PRKG1: variants seen among roughly 807,000 people sequenced by gnomAD.
PRKG1 encodes the protein protein kinase cGMP-dependent 1.
In PRKG1, 35 loss-of-function variants were observed where a neutral mutation model predicts 88.1. The ratio of observed to expected loss-of-function variants is 0.40; its 90% CI spans 0.30 to 0.53. PRKG1 has a LOEUF of 0.53. Ranked by LOEUF, PRKG1 falls within the 20% of genes least tolerant of loss-of-function variation. The pLI is 0.59. For missense variants in PRKG1, 540 were observed against 839.8 expected, an observed-to-expected ratio of 0.64 and a Z score of 4.41; for synonymous variants, 303 against 292.5, an observed-to-expected ratio of 1.04 and a Z score of -0.37.
At chr10:51,684,950 G>T (rs1840949153) in intron 3 of PRKG1, among the ~76,000 whole-genome samples, 2 of 151,976 alleles carry the variant, frequency 1.3e-5, no homozygotes, top group African/African-American at 4.8e-5. Flanking sequence ...CTAAGTTTTG[G>T]TTTTCATTGC....
At chr10:52,177,834 A>C (rs1326367997) in intron 9 of PRKG1, among the ~76,000 whole-genome samples, 1 of 150,766 alleles carries the variant, frequency 6.6e-6, no homozygotes, top group Non-Finnish European at 1.5e-5. Flanking sequence ...TGTGGTCTCT[A>C]TTGTGATGTC....
chr10:52,097,102 G>GT (rs1015410806), intron 7 of PRKG1, among the ~76,000 whole-genome samples: 19 of 152,038 alleles, frequency 1.2e-4, no homozygotes, highest in Non-Finnish European at 1.9e-4. Flanking sequence ...CAATAAAATT[G>GT]TTGAGTTATA....
At chr10:52,175,211 C>T (rs1392849927) in intron 9 of PRKG1, among the ~76,000 whole-genome samples, 1 of 151,992 alleles carries the variant, frequency 6.6e-6, no homozygotes, top group Non-Finnish European at 1.5e-5. Flanking sequence ...TGTTTTCAGC[C>T]TCCACATATG....
intron 3 of PRKG1, among the ~76,000 whole-genome samples, chr10:51,478,527 C>A (rs1329343038): frequency 1.3e-5 from 2 of 152,104 alleles, no homozygotes; most frequent in South Asian, 2.1e-4. Context: ...AATTTATAGA[C>A]AAAATCCTTT....
intron 2 of PRKG1, chr10:51,299,569 T>C: frequency 2.1e-6 from 1 of 473,068 alleles, no homozygotes; most frequent in South Asian, 1.5e-5. Context: ...AACATATGTC[T>C]CTAGCCCTAG....
intron 2 of PRKG1, among the ~76,000 whole-genome samples, chr10:51,436,783 C>T (rs546556066): frequency 6.6e-6 from 1 of 152,050 alleles, no homozygotes; most frequent in African/African-American, 2.4e-5. Flanking sequence ...TCTTTGCCTG[C>T]ACATAGTGGC....
chr10:52,254,046 T>A (rs770048991), intron 10 of PRKG1, among the ~76,000 whole-genome samples: 3 of 151,990 alleles, frequency 2.0e-5, no homozygotes, highest in Non-Finnish European at 4.4e-5. Context: ...TAATATTACT[T>A]TTGGGGTATT....
intron 2 of PRKG1, 84 bp from the exon 3 acceptor site, chr10:51,467,639 T>C: frequency 9.1e-7 from 1 of 1,098,262 alleles, no homozygotes; most frequent in Non-Finnish European, 1.4e-6. Context: ...CAAATGAGCC[T>C]AACACTCCTC....
intron 2 of PRKG1, among the ~76,000 whole-genome samples, chr10:51,355,217 T>A (rs1442178787): frequency 2.6e-5 from 4 of 152,108 alleles, no homozygotes; most frequent in Admixed American, 2.0e-4. Flanking sequence ...TCCATCTGTA[T>A]TTTAGAGGTA....
intron 7 of PRKG1, among the ~76,000 whole-genome samples, chr10:52,118,536 G>A (rs947480240): frequency 3.3e-5 from 5 of 151,890 alleles, no homozygotes; most frequent in Admixed American, 6.6e-5. Context: ...AGCCAGTAAG[G>A]CAAGTTTAAT....
At chr10:51,305,325 T>C (rs1464394627) in intron 2 of PRKG1, among the ~76,000 whole-genome samples, 2 of 152,156 alleles carry the variant, frequency 1.3e-5, no homozygotes, top group Non-Finnish European at 2.9e-5. Flanking sequence ...CTTTATACAT[T>C]TTCAGAAATG....
chr10:51,876,955 C>T (rs982455589), intron 4 of PRKG1, among the ~76,000 whole-genome samples: 1 of 152,180 alleles, frequency 6.6e-6, no homozygotes, highest in Admixed American at 6.5e-5. Flanking sequence ...GACTACCTTT[C>T]CTTCCCTACC....
chr10:52,171,217 A>C (rs1838665317), intron 9 of PRKG1, among the ~76,000 whole-genome samples: 1 of 151,828 alleles, frequency 6.6e-6, no homozygotes, highest in Admixed American at 6.6e-5. Flanking sequence ...AATTTACTTA[A>C]GACAACTTGG....
At chr10:51,122,324 T>A (rs1290632157) in intron 1 of PRKG1, among the ~76,000 whole-genome samples, 8 of 152,190 alleles carry the variant, frequency 5.3e-5, no homozygotes, top group Non-Finnish European at 7.4e-5. Context: ...TAGTGAGACA[T>A]CCGTCTTACT....
intron 9 of PRKG1, among the ~76,000 whole-genome samples, chr10:52,193,575 A>C (rs200678881): frequency 1.3e-4 from 19 of 141,024 alleles, no homozygotes; most frequent in Non-Finnish European, 1.5e-4. Context: ...AAAAAAAAAA[A>C]CAAAAAAAAA....
At chr10:51,907,371 A>G (rs1191818139) in intron 4 of PRKG1, 136 bp from the exon 5 acceptor site, 2 of 607,112 alleles carry the variant, frequency 3.3e-6, no homozygotes, top group East Asian at 6.1e-5. Context: ...TTGTGTGGCT[A>G]ATGCATTTTT....
At position 52,296,073 on chromosome 10, in the gene PRKG1, T is replaced by C. The variant is rs769536336; in HGVS notation, c.*2173T>C. 1.3e-5 allele frequency: 2 copies of C among 152,090 alleles called. No homozygotes were observed. The highest frequency in any genetic ancestry group is 2.4e-5 in the African/African-American group (1 of 41,452). The allele number at this position is 152,090 out of a possible 1,614,324, so 9.4% of individuals were successfully genotyped here. A position where few individuals can be genotyped will look rare whatever the true frequency, so the allele number is the denominator to read the frequency against. The stretch of plus-strand genomic sequence containing the variant: ...TTAAAAATATGTAATTCCAATATTA[T>C]AGTGAATGTTCAGTAACTTTTGTTG... On this transcript the variant is annotated 3_prime_UTR_variant, in exon 18 of 18. Transcript: ENST00000373980.
chr10:52,084,372 C>T (rs1846858689), intron 7 of PRKG1, among the ~76,000 whole-genome samples: 1 of 151,986 alleles, frequency 6.6e-6, no homozygotes, highest in African/African-American at 2.4e-5. Flanking sequence ...CCTGATTCTA[C>T]TAAGACTCAA....
At chr10:51,484,561 G>A (rs183413134) in intron 3 of PRKG1, among the ~76,000 whole-genome samples, 24 of 152,208 alleles carry the variant, frequency 1.6e-4, no homozygotes, top group Admixed American at 9.8e-4. Flanking sequence ...ATAGACATAA[G>A]CTGCAGCGCC....
Sources: allele counts gnomAD v4.1 joint callset (sites outside exome capture counted in the v4.1 genomes callset), GRCh38; gene constraint gnomAD v4.1.1; transcripts MANE v1.5; gene names NCBI Gene and HGNC (gene_info 2026-07-23, HGNC 2026-07-21).